Variants in SFRP1 observed in about 807,000 individuals in gnomAD.
The protein encoded by SFRP1 is secreted frizzled related protein 1, also known as secreted frizzled-related protein 1.
Under a neutral mutation model 25.9 loss-of-function variants are expected in SFRP1, and 9 were observed. That is an observed-to-expected ratio of 0.35 (90% CI 0.21 to 0.61). SFRP1 has a LOEUF of 0.61. SFRP1 is among the 20% of genes least tolerant of loss of function. SFRP1 has a pLI of 0.78. For synonymous variants in SFRP1, 178 were observed against 174.0 expected (o/e 1.02, Z -0.18); for missense variants, 346 against 418.2 (o/e 0.83, Z 1.51).
intron 2 of SFRP1, among the ~76,000 whole-genome samples, 190 bp from the exon 3 acceptor site, chr8:41,265,679 G>A (rs1001775319): frequency 2.0e-5 from 3 of 152,020 alleles, no homozygotes; most frequent in African/African-American, 7.3e-5. Context: ...GGTTTCATGG[G>A]TATACTGCAT....
intron 2 of SFRP1, among the ~76,000 whole-genome samples, chr8:41,295,942 A>G (rs2117510995): frequency 6.6e-6 from 1 of 152,230 alleles, no homozygotes; most frequent in African/African-American, 2.4e-5. Context: ...CTCATCACCA[A>G]CTATTTGTGG....
At chr8:41,295,041 C>A (rs1585517916) in intron 2 of SFRP1, among the ~76,000 whole-genome samples, 3 of 152,236 alleles carry the variant, frequency 2.0e-5, no homozygotes, top group African/African-American at 7.2e-5. Context: ...GTTTATAATC[C>A]AGCAGTCTCC....
At chr8:41,273,384 A>C (rs752957231) in intron 2 of SFRP1, among the ~76,000 whole-genome samples, 1 of 131,964 alleles carries the variant, frequency 7.6e-6, no homozygotes, top group Non-Finnish European at 1.7e-5. Flanking sequence ...CGATCTACTC[A>C]GGAGGGCTGA....
chr8:41,283,094 T>A (rs919220180), intron 2 of SFRP1, among the ~76,000 whole-genome samples: 5 of 152,242 alleles, frequency 3.3e-5, no homozygotes, highest in Admixed American at 3.3e-4. Flanking sequence ...TTGGACAACA[T>A]GAGTCTCCAT....
At chr8:41,275,627 C>T (rs574670918) in intron 2 of SFRP1, among the ~76,000 whole-genome samples, 25 of 151,296 alleles carry the variant, frequency 1.7e-4, no homozygotes, top group African/African-American at 6.1e-4. Context: ...CTCAGCCTCC[C>T]GAGTAGCTGG....
At chr8:41,272,610 A>C (rs1288632072) in intron 2 of SFRP1, among the ~76,000 whole-genome samples, 1 of 152,240 alleles carries the variant, frequency 6.6e-6, no homozygotes, top group African/African-American at 2.4e-5. Flanking sequence ...CTGTCTCAAA[A>C]AATTTTTTCA....
intron 2 of SFRP1, among the ~76,000 whole-genome samples, chr8:41,301,462 T>G (rs1483841079): frequency 2.0e-5 from 3 of 151,606 alleles, no homozygotes; most frequent in Non-Finnish European, 4.4e-5. Flanking sequence ...AAAAAATCCC[T>G]ATATATTGTT....
rs751879887 is a variant in SFRP1, at chr8:41,265,203, G to A, written c.909C>T (p.Asn303=). Reference sequence around the variant, plus strand: ...CGGACTGAAAGGTGGGGCACTCATGGTTTTTCATTTTCTTCATGAAGTTTT... The same window carrying A: ...CGGACTGAAAGGTGGGGCACTCATGATTTTTCATTTTCTTCATGAAGTTTT... ...EFKNFMKKMK[N]HECPTFQSVF... The change falls in exon 3 of 3, where the codon AAC becomes AAT. Residue 303 remains asparagine, a synonymous_variant. Transcript: ENST00000220772. The A allele has an allele frequency of 1.9e-6, 3 of 1,611,826 alleles. No individual in the cohort carries two copies. The African/African-American group carries it at 4.0e-5, about 22-fold the overall frequency.
intron 2 of SFRP1, chr8:41,275,448 AAAGAGATAAC>A (rs1183682996): frequency 4.4e-6 from 1 of 225,220 alleles, no homozygotes; most frequent in Admixed American, 5.5e-5. Context: ...TAAAGTTCCC[AAAGAGATAAC>A]AAGAGAAGTA....
At chr8:41,308,561 C>T (rs1804027251) in intron 1 of SFRP1, 55 bp downstream of exon 1, 1 of 1,425,482 alleles carries the variant, frequency 7.0e-7, no homozygotes, top group East Asian at 2.4e-5. Flanking sequence ...TCTCCTGCAG[C>T]TCCGGCCGGG....
At chr8:41,300,425 C>T (rs1379698042) in intron 2 of SFRP1, among the ~76,000 whole-genome samples, 1 of 152,170 alleles carries the variant, frequency 6.6e-6, no homozygotes, top group East Asian at 1.9e-4. Context: ...CCTGAACTCT[C>T]AAGCTCAAAA....
intron 2 of SFRP1, among the ~76,000 whole-genome samples, chr8:41,291,196 C>T (rs1803775561): frequency 6.6e-6 from 1 of 151,896 alleles, no homozygotes; most frequent in African/African-American, 2.4e-5. Flanking sequence ...GCATGAGTCA[C>T]CACGCCCGGC....
intron 2 of SFRP1, among the ~76,000 whole-genome samples, chr8:41,268,700 T>C (rs971874869): frequency 1.2e-4 from 19 of 152,350 alleles, no homozygotes; most frequent in African/African-American, 4.6e-4. Flanking sequence ...ACCAACAATG[T>C]TGAAAAGATC....
chr8:41,279,518 G>A (rs1333538733), intron 2 of SFRP1, among the ~76,000 whole-genome samples: 1 of 152,068 alleles, frequency 6.6e-6, no homozygotes, highest in Non-Finnish European at 1.5e-5. Context: ...ATGGCAGAGC[G>A]GGACTTTGAT....
intron 2 of SFRP1, among the ~76,000 whole-genome samples, chr8:41,286,341 TTC>T (rs1803701267): frequency 6.6e-6 from 1 of 152,154 alleles, no homozygotes; most frequent in Non-Finnish European, 1.5e-5. Flanking sequence ...GCAGGGGCGG[TTC>T]CCGCTCAACC....
At chr8:41,300,453 C>A (rs368341680) in intron 2 of SFRP1, among the ~76,000 whole-genome samples, 36 of 152,260 alleles carry the variant, frequency 2.4e-4, no homozygotes, top group African/African-American at 8.7e-4. Context: ...GAAGGTAGTA[C>A]AAGTGGAAGC....
In SFRP1 at chr8:41,265,078, C is replaced by G; in HGVS notation, c.*89G>C. 1 of 871,784 alleles carries G rather than the reference C, an allele frequency of 1.1e-6. No homozygotes were observed. Among genetic ancestry groups the G allele is most frequent in the Admixed American group, 2.4e-5 (1 of 42,142 alleles). 54.0% of individuals were successfully genotyped at this position (871,784 alleles called of 1,614,324 possible). A position where few individuals can be genotyped will look rare whatever the true frequency, so the allele number is the denominator to read the frequency against. Reference sequence around the variant, plus strand: ...ATGTCCACTACTGACAGGCGCAGTGCGTGTGTGTGACCCACCGGGTTCCCG... The same window carrying G: ...ATGTCCACTACTGACAGGCGCAGTGGGTGTGTGTGACCCACCGGGTTCCCG... On this transcript the variant is annotated 3_prime_UTR_variant, in exon 3 of 3. Coordinates refer to ENST00000220772, the MANE Select transcript of SFRP1 (RefSeq NM_003012.5).
chr8:41,278,622 AC>A, intron 2 of SFRP1, among the ~76,000 whole-genome samples: 1 of 152,134 alleles, frequency 6.6e-6, no homozygotes, highest in Admixed American at 6.5e-5. Context: ...AAGCCGCTCC[AC>A]CCCCAGGGGC....
intron 2 of SFRP1, among the ~76,000 whole-genome samples, chr8:41,265,722 C>T (rs11986248): frequency 0.021 from 3,245 of 152,230 alleles, 120 homozygotes; most frequent in African/African-American, 0.072. Context: ...ATAACCCCAT[C>T]GCCCAAGCAG....
Sources: gnomAD v4.1 joint callset for allele counts (sites outside exome capture counted in the v4.1 genomes callset) on GRCh38, gnomAD v4.1.1 for gene constraint, MANE v1.5 for transcripts, NCBI Gene and HGNC (gene_info 2026-07-23, HGNC 2026-07-21) for gene names.